DNAJB4: variants seen among roughly 807,000 people sequenced by gnomAD.
The protein encoded by DNAJB4 is DnaJ heat shock protein family (Hsp40) member B4, also known as dnaJ homolog subfamily B member 4.
DNAJB4 carries 10 observed loss-of-function variants against 26.6 expected under a neutral mutation model. The observed-to-expected ratio is 0.38, with a 90% CI of 0.23 to 0.64. The LOEUF is 0.64. Ranked by LOEUF, DNAJB4 falls within the 30% of genes least tolerant of loss-of-function variation. DNAJB4 has a pLI of 0.58. For missense variants in DNAJB4, 328 were observed against 408.2 expected, an observed-to-expected ratio of 0.80 and a Z score of 1.69; for synonymous variants, 136 against 134.8, an observed-to-expected ratio of 1.01 and a Z score of -0.06.
chr1:77,994,770 C>T (rs1359335032), intron 1 of DNAJB4, among the ~76,000 whole-genome samples: 1 of 152,040 alleles, frequency 6.6e-6, no homozygotes, highest in Non-Finnish European at 1.5e-5. Flanking sequence ...GTCAACTGAG[C>T]ATGTGTAAAT....
intron 1 of DNAJB4, among the ~76,000 whole-genome samples, chr1:77,994,758 A>G (rs749095869): frequency 5.9e-5 from 9 of 152,224 alleles, no homozygotes; most frequent in Non-Finnish European, 1.2e-4. Context: ...GTGAAAGTGT[A>G]TGTCAACTGA....
chr1:78,016,159 A>T lies in DNAJB4; in HGVS notation c.926A>T (p.Asp309Val). The T allele has an allele frequency of 6.2e-7, 1 of 1,614,148 alleles. No homozygotes were observed. Among genetic ancestry groups the T allele is most frequent in the Non-Finnish European group, 8.5e-7 (1 of 1,180,024 alleles). ...CCAAAAAATCCTGACCAACGTGGTG[A>T]CCTTCTAATAGAATTTGAGGTGTCC... ...PFPKNPDQRG[D>V]LLIEFEVSFP... The change falls in exon 3 of 3, where the codon GAC becomes GTC. Residue 309 changes from aspartate to valine, a missense_variant. Physicochemically the swap from Asp to Val is radical, Grantham distance 152 (BLOSUM62 -3). Transcript: ENST00000370763.
chr1:77,983,709 A>G (rs1378212134), intron 1 of DNAJB4, among the ~76,000 whole-genome samples: 4 of 152,164 alleles, frequency 2.6e-5, no homozygotes, highest in African/African-American at 9.7e-5. Context: ...GGTTGGGGGT[A>G]AGGTTATAGA....
upstream of DNAJB4, among the ~76,000 whole-genome samples, chr1:78,002,612 A>T (rs547542994): frequency 4.6e-5 from 7 of 152,160 alleles, no homozygotes; most frequent in Non-Finnish European, 8.8e-5. Context: ...ACTATTGCCA[A>T]ATGTTTGAAT....
intron 2 of DNAJB4, among the ~76,000 whole-genome samples, chr1:78,014,775 AT>A (rs893966877): frequency 1.1e-4 from 16 of 151,616 alleles, no homozygotes; most frequent in African/African-American, 3.9e-4. Context: ...TGATTTTCAT[AT>A]TTTTAGTAGC....
chr1:78,007,801 G>T (rs1019543158), intron 1 of DNAJB4, among the ~76,000 whole-genome samples: 2 of 152,012 alleles, frequency 1.3e-5, no homozygotes, highest in African/African-American at 2.4e-5. Flanking sequence ...GGTTCCATAG[G>T]TGTCTCCAGT....
rs930410380 is a variant in DNAJB4, at chr1:77,987,747, A to C, written c.-32+7425A>C. Reference sequence around the variant, plus strand: ...CCTGTTGACTCTACCTTTAAGATATATCCAGAAGTTCACCACTTCTCATCA... The same window carrying C: ...CCTGTTGACTCTACCTTTAAGATATCTCCAGAAGTTCACCACTTCTCATCA... On this transcript the variant is annotated intron_variant, in intron 1 of 2. Transcript: ENST00000426517. Among the ~76,000 whole-genome samples the C allele has an allele frequency of 2.6e-5, 4 of 152,008 alleles. No homozygotes were observed. The East Asian group carries it at 7.7e-4, about 29-fold the overall frequency.
chr1:77,988,619 A>G (rs140346589), intron 1 of DNAJB4, among the ~76,000 whole-genome samples: 47 of 152,238 alleles, frequency 3.1e-4, no homozygotes, highest in African/African-American at 1.1e-3. Flanking sequence ...AATAAGTTCT[A>G]CCATATGGAT....
chr1:78,007,096 A>G (rs1485911630), intron 1 of DNAJB4, among the ~76,000 whole-genome samples: 2 of 151,254 alleles, frequency 1.3e-5, no homozygotes, highest in African/African-American at 2.4e-5. Context: ...TTTAATTTTT[A>G]TTGGTCATTA....
intron 1 of DNAJB4, among the ~76,000 whole-genome samples, chr1:77,981,777 A>T (rs1659653866): frequency 6.6e-6 from 1 of 152,198 alleles, no homozygotes; most frequent in Non-Finnish European, 1.5e-5. Flanking sequence ...GTGTTCTTCA[A>T]ATCTAATAAA....
chr1:77,979,189 T>A, upstream of DNAJB4: 1 of 609,334 alleles, frequency 1.6e-6, no homozygotes, highest in Non-Finnish European at 2.9e-6. Context: ...TGGTGTGGGT[T>A]AGGGCTGAGA....
At chr1:77,995,302 G>A (rs1335603842) in intron 1 of DNAJB4, among the ~76,000 whole-genome samples, 1 of 152,108 alleles carries the variant, frequency 6.6e-6, no homozygotes, top group Admixed American at 6.5e-5. Context: ...GCTTGCATTT[G>A]TAGCTTGCTT....
intron 1 of DNAJB4, among the ~76,000 whole-genome samples, chr1:78,007,067 T>C (rs1249742398): frequency 2.0e-5 from 3 of 152,200 alleles, no homozygotes; most frequent in African/African-American, 7.2e-5. Context: ...ATAGTGCTTT[T>C]CTAGAGTGAT....
intron 1 of DNAJB4, among the ~76,000 whole-genome samples, chr1:77,983,072 A>G (rs150432883): frequency 6.6e-6 from 1 of 152,142 alleles, no homozygotes; most frequent in East Asian, 1.9e-4. Flanking sequence ...GTGTTTCTCG[A>G]AGAGGGGGAT....
At chr1:78,005,463 A>T (rs1660309053) in intron 1 of DNAJB4, 142 bp downstream of exon 1, 1 of 687,486 alleles carries the variant, frequency 1.5e-6, no homozygotes, top group Non-Finnish European at 2.4e-6. Flanking sequence ...CAAAAGTAGA[A>T]GGACAAATGT....
At chr1:77,982,691 G>A (rs1659686251) in intron 1 of DNAJB4, among the ~76,000 whole-genome samples, 1 of 152,188 alleles carries the variant, frequency 6.6e-6, no homozygotes, top group African/African-American at 2.4e-5. Context: ...CCAGCTACTC[G>A]GGAGGCTGAG....
Position 78,013,426 on chromosome 1 carries a change from A to G in DNAJB4, c.587A>G (p.Glu196Gly), listed in dbSNP as rs773760354. ...GCTGATGGAAGGAGTTACAGATCTG[A>G]GGACAAAATTCTTACCATTGAGATT... Reference protein sequence around the residue: ...LNADGRSYRSEDKILTIEIKK... With the variant: ...LNADGRSYRSGDKILTIEIKK... The change falls in exon 2 of 3, where the codon GAG (glutamate) becomes GGG (glycine). Residue 196 changes from glutamate (E) to glycine (G), a missense_variant. Glu to Gly is a moderately conservative substitution (Grantham distance 98). Coordinates refer to ENST00000370763, the MANE Select transcript of DNAJB4 (RefSeq NM_007034.5). 9 of 1,614,076 alleles carry G rather than the reference A, an allele frequency of 5.6e-6. No individual in the cohort carries two copies. Among genetic ancestry groups the G allele is most frequent in the Non-Finnish European group, 7.6e-6 (9 of 1,180,038 alleles).
At chr1:77,984,352 A>G (rs748574771) in intron 1 of DNAJB4, among the ~76,000 whole-genome samples, 2 of 152,208 alleles carry the variant, frequency 1.3e-5, no homozygotes, top group African/African-American at 4.8e-5. Flanking sequence ...AGACTAAGGC[A>G]GAGTTTCTTA....
intron 1 of DNAJB4, chr1:77,981,182 T>TA (rs1463678335): frequency 6.6e-6 from 1 of 150,996 alleles, no homozygotes; most frequent in Non-Finnish European, 1.5e-5. Context: ...TTTTTTTTTT[T>TA]ACATACTCGC....
Sources: gnomAD v4.1 joint callset for allele counts (sites outside exome capture counted in the v4.1 genomes callset) on GRCh38, gnomAD v4.1.1 for gene constraint, MANE v1.5 for transcripts, NCBI Gene and HGNC (gene_info 2026-07-23, HGNC 2026-07-21) for gene names.